GALNT13: variants seen among roughly 807,000 people sequenced by gnomAD.
The protein encoded by GALNT13 is UDP-GalNAc:polypeptide N-acetylgalactosaminyltransferase 13.
Under a neutral mutation model 64.2 loss-of-function variants are expected in GALNT13, and 28 were observed. That is an observed-to-expected ratio of 0.44 (90% CI 0.32 to 0.60). The LOEUF is 0.60. Among genes scored for constraint, GALNT13 ranks in the 20% least tolerant of loss-of-function variants. The pLI is 0.05. For missense variants in GALNT13, 577 were observed against 669.8 expected (o/e 0.86, Z 1.53); for synonymous variants, 214 against 224.6 (o/e 0.95, Z 0.42).
At chr2:153,817,557 A>G in the GALNT13 span, among the ~76,000 whole-genome samples, 3 of 152,040 alleles carry the variant, frequency 2.0e-5, no homozygotes, top group Non-Finnish European at 2.9e-5. Flanking sequence ...TTTTCCGTCC[A>G]CTGACCCCCA....
At chr2:153,647,585 T>G in the GALNT13 span, among the ~76,000 whole-genome samples, 2 of 152,210 alleles carry the variant, frequency 1.3e-5, no homozygotes, top group African/African-American at 2.4e-5. Flanking sequence ...CTTCTAGGGT[T>G]TTTATGGTTT....
At chr2:153,082,574 TA>T in the GALNT13 span, among the ~76,000 whole-genome samples, 1 of 24,058 alleles carries the variant, frequency 4.2e-5, no homozygotes, top group Non-Finnish European at 6.6e-5. Context: ...TAGGCTGGTT[TA>T]TATATATATA....
intron 9 of GALNT13, among the ~76,000 whole-genome samples, chr2:154,352,000 G>A (rs1380939609): frequency 2.0e-5 from 3 of 151,994 alleles, no homozygotes; most frequent in African/African-American, 7.2e-5. Context: ...CTGCATTTTA[G>A]TTCCATGAGG....
At chr2:154,001,710 A>G (rs1050655281) in intron 3 of GALNT13, among the ~76,000 whole-genome samples, 3 of 152,018 alleles carry the variant, frequency 2.0e-5, no homozygotes, top group African/African-American at 7.2e-5. Context: ...ACAGGCCACA[A>G]TTACAGTATT....
At chr2:154,060,589 C>A (rs1002811196) in intron 3 of GALNT13, among the ~76,000 whole-genome samples, 2 of 152,106 alleles carry the variant, frequency 1.3e-5, no homozygotes, top group Non-Finnish European at 2.9e-5. Context: ...CTCTTGAGTG[C>A]AAGTGATTTC....
intron 4 of GALNT13, among the ~76,000 whole-genome samples, chr2:154,183,760 C>CA (rs201543963): frequency 7.8e-4 from 114 of 146,582 alleles, no homozygotes; most frequent in African/African-American, 2.1e-3. Context: ...ATTCTCTTTT[C>CA]AAAAAAAAAA....
At chr2:153,953,926 C>T (rs1237503916) in intron 3 of GALNT13, among the ~76,000 whole-genome samples, 1 of 152,052 alleles carries the variant, frequency 6.6e-6, no homozygotes, top group Non-Finnish European at 1.5e-5. Context: ...TTGGTGCTGC[C>T]AGGGAGGCTA....
intron 4 of GALNT13, among the ~76,000 whole-genome samples, chr2:154,183,103 G>A (rs1686052735): frequency 6.6e-6 from 1 of 152,118 alleles, no homozygotes; most frequent in South Asian, 2.1e-4. Flanking sequence ...AGAAGCATTG[G>A]CATTGAATCT....
At chr2:153,651,878 G>GT in the GALNT13 span, among the ~76,000 whole-genome samples, 1 of 152,114 alleles carries the variant, frequency 6.6e-6, no homozygotes, top group Non-Finnish European at 1.5e-5. Context: ...TGTTGTATCT[G>GT]TTATTTTTAC....
intron 9 of GALNT13, among the ~76,000 whole-genome samples, chr2:154,387,271 C>T (rs1351970262): frequency 6.6e-6 from 1 of 151,160 alleles, no homozygotes; most frequent in African/African-American, 2.5e-5. Flanking sequence ...TGAAACAATA[C>T]AGTATCATTT....
the GALNT13 span, among the ~76,000 whole-genome samples, chr2:153,263,785 C>CA: frequency 2.6e-5 from 4 of 152,220 alleles, no homozygotes; most frequent in South Asian, 8.3e-4. Flanking sequence ...ACACCTTATA[C>CA]AAAAATTAAT....
At chr2:153,596,371 C>T in the GALNT13 span, among the ~76,000 whole-genome samples, 2 of 152,100 alleles carry the variant, frequency 1.3e-5, no homozygotes, top group African/African-American at 4.8e-5. Flanking sequence ...AATAAAGACA[C>T]CTCACAGAAT....
At chr2:153,159,473 T>C in the GALNT13 span, 1 of 152,288 alleles carries the variant, frequency 6.6e-6, no homozygotes, top group African/African-American at 2.4e-5. Context: ...TGCTATGACT[T>C]TGGAGAATAC....
chr2:153,516,144 G>A, the GALNT13 span, among the ~76,000 whole-genome samples: 6 of 152,244 alleles, frequency 3.9e-5, no homozygotes, highest in African/African-American at 1.2e-4. Context: ...ATGCCACTTT[G>A]ATCTACCATT....
intron 3 of GALNT13, among the ~76,000 whole-genome samples, chr2:153,947,931 A>AT (rs1691890365): frequency 6.6e-6 from 1 of 152,248 alleles, no homozygotes; most frequent in African/African-American, 2.4e-5. Context: ...CATTTATTGA[A>AT]TAGGGAATCC....
chr2:153,304,957 T>C, the GALNT13 span, among the ~76,000 whole-genome samples: 1 of 152,168 alleles, frequency 6.6e-6, no homozygotes, highest in Non-Finnish European at 1.5e-5. Context: ...GGGGTGGGTA[T>C]AGGCTGAAAC....
chr2:154,420,994 A>T (rs1355715605), intron 11 of GALNT13, among the ~76,000 whole-genome samples: 1 of 152,106 alleles, frequency 6.6e-6, no homozygotes, highest in Non-Finnish European at 1.5e-5. Flanking sequence ...AGGCAAGGAT[A>T]TTCCTAGTTT....
chr2:154,444,474 A>T (rs974816524), intron 12 of GALNT13, among the ~76,000 whole-genome samples: 6 of 152,140 alleles, frequency 3.9e-5, no homozygotes, highest in African/African-American at 1.4e-4. Context: ...GCAACATGTA[A>T]TATTGGTGAA....
At chr2:153,413,462 T>G in the GALNT13 span, among the ~76,000 whole-genome samples, 1 of 152,180 alleles carries the variant, frequency 6.6e-6, no homozygotes, top group Non-Finnish European at 1.5e-5. Flanking sequence ...TGTTTGTCCT[T>G]AAGCGGCATA....
Sources: allele counts gnomAD v4.1 joint callset (sites outside exome capture counted in the v4.1 genomes callset), GRCh38; gene constraint gnomAD v4.1.1; transcripts MANE v1.5; gene names NCBI Gene and HGNC (gene_info 2026-07-23, HGNC 2026-07-21).